Variants in GREB1L observed in about 807,000 individuals in gnomAD.
The protein encoded by GREB1L is GREB1 like retinoic acid receptor coactivator.
A neutral mutation model predicts 200.8 loss-of-function variants in GREB1L; 17 were observed. That is an observed-to-expected ratio of 0.08 (90% CI 0.06 to 0.13). The LOEUF (loss-of-function observed/expected upper bound fraction) is 0.13, where lower values mean the gene tolerates loss of function less well. GREB1L is among the 10% of genes least tolerant of loss of function. The pLI is 1.00. For synonymous variants in GREB1L, 789 were observed against 893.0 expected (o/e 0.88, Z 2.08); for missense variants, 1,657 against 2,367.7 (o/e 0.70, Z 6.23).
chr18:21,329,858 C>G (rs777089712), intron 1 of GREB1L, among the ~76,000 whole-genome samples: 18 of 151,918 alleles, frequency 1.2e-4, no homozygotes, highest in Non-Finnish European at 2.5e-4. Context: ...GTGTTACTTT[C>G]ACTACCAACT....
chr18:21,518,752 C>T (rs756133910), intron 31 of GREB1L, among the ~76,000 whole-genome samples: 1 of 152,124 alleles, frequency 6.6e-6, no homozygotes, highest in Non-Finnish European at 1.5e-5. Context: ...GGCATTTCTC[C>T]ACTTCCCACC....
At chr18:21,301,760 A>T (rs2038620900) in intron 1 of GREB1L, among the ~76,000 whole-genome samples, 1 of 152,244 alleles carries the variant, frequency 6.6e-6, no homozygotes. Flanking sequence ...GATTTATTGA[A>T]TAAGAATCAC....
At chr18:21,397,502 G>A (rs575118470) in intron 5 of GREB1L, among the ~76,000 whole-genome samples, 81 of 147,548 alleles carry the variant, frequency 5.5e-4, no homozygotes, top group Non-Finnish European at 1.1e-3. Context: ...TCCAGCCTGG[G>A]GGACAGAGCG....
intron 5 of GREB1L, among the ~76,000 whole-genome samples, chr18:21,400,046 T>C (rs1050832874): frequency 6.6e-6 from 1 of 152,176 alleles, no homozygotes; most frequent in African/African-American, 2.4e-5. Context: ...TATAGAAATA[T>C]TGCCTTTATA....
intron 15 of GREB1L, among the ~76,000 whole-genome samples, chr18:21,459,279 C>CTTTTTTTTTTTTTTTTT (rs746568414): frequency 5.6e-4 from 48 of 85,904 alleles, no homozygotes; most frequent in Non-Finnish European, 8.3e-4. Flanking sequence ...TTTTTCTTTA[C>CTTTTTTTTTTTTTTTTT]TTTTTTTTTT....
chr18:21,495,679 G>A lies in GREB1L; in HGVS notation c.3040G>A (p.Gly1014Arg). 6.6e-7 allele frequency: 1 copy of A among 1,504,826 alleles called. No individual in the cohort carries two copies. Among genetic ancestry groups the A allele is most frequent in the African/African-American group, 1.4e-5 (1 of 72,088 alleles). 93.2% of individuals were successfully genotyped at this position (1,504,826 alleles called of 1,614,324 possible). ...HFVARLKSWR[G>R]NEPEEWIPRT... ...GGGTCTCTTTCTGTAGAGTTGGAGA[G>A]GAAATGAACCAGAAGAGTGGATCCC... The change falls in exon 20 of 33, where the codon GGA (glycine) becomes AGA (arginine). Residue 1014 changes from glycine (G) to arginine (R), a missense_variant. By Grantham distance (125) the Gly-to-Arg change is moderately radical. Around this residue, in one of 9 missense-constraint regions of GREB1L, gnomAD observed 512 missense variants for 668.3 expected, o/e 0.77. Transcript: ENST00000424526.
At chr18:21,405,991 G>C (rs1443202264) in intron 7 of GREB1L, among the ~76,000 whole-genome samples, 2 of 149,962 alleles carry the variant, frequency 1.3e-5, no homozygotes, top group Non-Finnish European at 3.0e-5. Context: ...AATTAGCTGG[G>C]TGCTGTTGCA....
intron 8 of GREB1L, 140 bp from the exon 9 acceptor site, chr18:21,440,123 TTACCTC>T (rs1229422117): frequency 2.1e-5 from 17 of 802,270 alleles, no homozygotes; most frequent in African/African-American, 1.9e-4. Context: ...TTTTTAAACT[TTACCTC>T]TAAAGGAGTG....
At chr18:21,507,757 G>A (rs2037074124) in intron 25 of GREB1L, among the ~76,000 whole-genome samples, 6 of 152,236 alleles carry the variant, frequency 3.9e-5, no homozygotes, top group African/African-American at 1.2e-4. Context: ...GTTTCCCTCC[G>A]ATTAACAGGG....
chr18:21,424,621 A>T (rs925678013), intron 7 of GREB1L, among the ~76,000 whole-genome samples: 3 of 152,148 alleles, frequency 2.0e-5, no homozygotes, highest in African/African-American at 7.2e-5. Flanking sequence ...TAAACTGACA[A>T]CTTTATTAAG....
chr18:21,307,294 A>G (rs2038715853), intron 1 of GREB1L, among the ~76,000 whole-genome samples: 1 of 152,230 alleles, frequency 6.6e-6, no homozygotes, highest in Non-Finnish European at 1.5e-5. Context: ...TTCCCCTGGT[A>G]GGAACTATGC....
chr18:21,468,671 C>T lies in GREB1L; in HGVS notation c.2183-4360C>T, dbSNP rs1289348822. ...GCAGGAACTCAGTGCCAGAATGATA[C>T]TGTTAACGAAAGATCTCACCAATCT... On this transcript the variant is annotated intron_variant, in intron 15 of 32. Coordinates refer to ENST00000424526, the MANE Select transcript of GREB1L (RefSeq NM_001142966.3). 8.8e-6 allele frequency: 4 copies of T among 456,004 alleles called. No individual in the cohort carries two copies. The East Asian group carries it at 2.1e-4, about 24-fold the overall frequency. The allele number at this position is 456,004 out of a possible 1,614,324, so 28.2% of individuals were successfully genotyped here.
chr18:21,452,245 AAGTC>A lies in GREB1L; in HGVS notation c.1984+33_1984+36del, dbSNP rs2034562552. On this transcript the variant is annotated intron_variant, in intron 14 of 32. Coordinates refer to ENST00000424526, the MANE Select transcript of GREB1L (RefSeq NM_001142966.3). Reference sequence around the variant, plus strand: ...AATGTCATCTCAGACCAAGAGGAGGAAGTCAGTCCTTGGGACAGACATTGTAAAA... The same window carrying A: ...AATGTCATCTCAGACCAAGAGGAGGAAGTCCTTGGGACAGACATTGTAAAA... The A allele has an allele frequency of 3.2e-6, 5 of 1,548,900 alleles. No homozygotes were observed. In the African/African-American group the frequency reaches 5.5e-5, roughly 17 times the overall value.
chr18:21,315,952 CT>C (rs953256301), intron 1 of GREB1L, among the ~76,000 whole-genome samples: 1 of 152,184 alleles, frequency 6.6e-6, no homozygotes, highest in African/African-American at 2.4e-5. Context: ...ACCCTCCCCC[CT>C]GTGGGCCTGG....
chr18:21,279,959 C>T (rs750391857), intron 1 of GREB1L, among the ~76,000 whole-genome samples: 42 of 152,290 alleles, frequency 2.8e-4, no homozygotes, highest in South Asian at 4.1e-4. Flanking sequence ...TTGAACCCCT[C>T]TGCCAGTTTC....
chr18:21,242,793 C>G (rs1206709640), intron 1 of GREB1L, among the ~76,000 whole-genome samples: 1 of 152,106 alleles, frequency 6.6e-6, no homozygotes, highest in Non-Finnish European at 1.5e-5. Context: ...CGGGGTCCCC[C>G]GGCGGAGGCG....
At chr18:21,328,051 C>T (rs1598662007) in intron 1 of GREB1L, among the ~76,000 whole-genome samples, 1 of 152,274 alleles carries the variant, frequency 6.6e-6, no homozygotes, top group Admixed American at 6.5e-5. Context: ...ACTCTCTAGC[C>T]TAACTTCAGG....
chr18:21,423,990 GCCT>G (rs1164843629), intron 7 of GREB1L, among the ~76,000 whole-genome samples: 1 of 152,160 alleles, frequency 6.6e-6, no homozygotes, highest in African/African-American at 2.4e-5. Flanking sequence ...GAGCTTTGTG[GCCT>G]TGGAGAAGGC....
chr18:21,456,704 C>T (rs1411448670), intron 15 of GREB1L, among the ~76,000 whole-genome samples: 9 of 152,116 alleles, frequency 5.9e-5, no homozygotes, highest in African/African-American at 9.7e-5. Flanking sequence ...TTGGAAATAT[C>T]GACCTGTAGG....
Sources: allele counts gnomAD v4.1 joint callset (sites outside exome capture counted in the v4.1 genomes callset), GRCh38; gene constraint gnomAD v4.1.1; regional missense constraint gnomAD v4.1.1; transcripts MANE v1.5; gene names NCBI Gene and HGNC (gene_info 2026-07-23, HGNC 2026-07-21).